Variants in NSD2 observed in about 807,000 individuals in gnomAD.
NSD2 encodes the protein histone-lysine N-methyltransferase NSD2.
A neutral mutation model predicts 139.0 loss-of-function variants in NSD2; 12 were observed. That is an observed-to-expected ratio of 0.09 (90% CI 0.06 to 0.14). The LOEUF (loss-of-function observed/expected upper bound fraction) is 0.14. Among genes scored for constraint, NSD2 ranks in the 10% least tolerant of loss-of-function variants. The pLI is 1.00. For missense variants in NSD2, 1,155 were observed against 1,745.0 expected, an observed-to-expected ratio of 0.66 and a Z score of 6.02; for synonymous variants, 669 against 648.7, an observed-to-expected ratio of 1.03 and a Z score of -0.48.
intron 9 of NSD2, chr4:1,946,183 A>T: frequency 2.0e-6 from 2 of 1,020,474 alleles, no homozygotes; most frequent in Non-Finnish European, 2.4e-6. Flanking sequence ...GTCATTAGAA[A>T]AGGTTTCTTA....
chr4:1,904,435 A>C, intron 3 of NSD2, 57 bp downstream of exon 3: 2 of 1,528,378 alleles, frequency 1.3e-6, no homozygotes, highest in Non-Finnish European at 8.9e-7. Context: ...AATCTTTCTC[A>C]TCTCCAGGCT....
chr4:1,936,250 C>T (rs908549017), intron 7 of NSD2, among the ~76,000 whole-genome samples: 8 of 152,210 alleles, frequency 5.3e-5, no homozygotes, highest in Non-Finnish European at 8.8e-5. Context: ...ATGTAGAAGA[C>T]GTGAGCCCTT....
rs1717054081 is a variant in NSD2 at position 1,900,782 on chromosome 4, A to G, written c.128A>G (p.Glu43Gly). Residue 43 changes from glutamate (E) to glycine (G), a missense_variant, in exon 2 of 22, where the codon GAG (glutamate) becomes GGG (glycine). Glu to Gly is a moderately conservative substitution (Grantham distance 98, BLOSUM62 -2). Coordinates refer to ENST00000508803, the MANE Select transcript of NSD2 (RefSeq NM_001042424.3). ...GKTPSCEVNR[E>G]CSVFLSKAQL... ...ACTCCGAGCTGCGAGGTGAACCGCG[A>G]GTGTTCTGTGTTCCTCAGCAAAGCC... The G allele has an allele frequency of 6.2e-7, 1 of 1,614,108 alleles. No homozygotes were observed. Among genetic ancestry groups the G allele is most frequent in the South Asian group, 1.1e-5 (1 of 91,078 alleles).
chr4:1,882,111 A>G (rs1198966782), intron 1 of NSD2, among the ~76,000 whole-genome samples: 1 of 152,162 alleles, frequency 6.6e-6, no homozygotes, highest in Non-Finnish European at 1.5e-5. Flanking sequence ...GTGCTGGGGA[A>G]GGTTCCGGAA....
chr4:1,943,847 AGG>A (rs1484725289), intron 9 of NSD2: 20 of 1,062,974 alleles, frequency 1.9e-5, no homozygotes, highest in Non-Finnish European at 3.4e-6. Flanking sequence ...GTGAAAATGA[AGG>A]GATTTCATTT....
At chr4:1,883,662 CGCTCT>C (rs1714869868) in intron 1 of NSD2, among the ~76,000 whole-genome samples, 2 of 152,072 alleles carry the variant, frequency 1.3e-5, no homozygotes, top group African/African-American at 4.8e-5. Flanking sequence ...GTACCTCCTC[CGCTCT>C]GCTGATCCCA....
intron 9 of NSD2, chr4:1,943,400 A>G (rs1401008639): frequency 9.6e-7 from 1 of 1,042,116 alleles, no homozygotes; most frequent in Non-Finnish European, 1.2e-6. Context: ...CTGTTGTGAC[A>G]GTAATAATGG....
Position 1,948,523 on chromosome 4 carries a change from G to A in NSD2, c.1882-2549G>A. ...CGAGAGCATTGGATCCTCCCCGACT[G>A]TGGCTAGTTGTCTGTCCGGTGGCTG... On this transcript the variant is annotated intron_variant, in intron 9 of 21. Transcript: ENST00000508803. The surrounding 1 kb of genome is among the most constrained non-coding windows in gnomAD (Gnocchi z 4.5). 9.4e-7 allele frequency: 1 copy of A among 1,064,538 alleles called. No individual in the cohort carries two copies. The highest frequency in any genetic ancestry group is 1.1e-6 in the Non-Finnish European group (1 of 877,962). The allele number at this position is 1,064,538 out of a possible 1,614,324, so 65.9% of individuals were successfully genotyped here.
intron 6 of NSD2, among the ~76,000 whole-genome samples, 189 bp downstream of exon 6, chr4:1,930,959 T>G (rs1721562585): frequency 1.3e-5 from 2 of 152,130 alleles, no homozygotes; most frequent in Non-Finnish European, 2.9e-5. Flanking sequence ...GTTTACTGGC[T>G]TATGAGAGCT....
chr4:1,966,567 G>A (rs1159634807), intron 18 of NSD2, among the ~76,000 whole-genome samples: 1 of 151,332 alleles, frequency 6.6e-6, no homozygotes, highest in African/African-American at 2.4e-5. Flanking sequence ...TGAGGCAGGA[G>A]AATGGCGTGA....
At chr4:1,938,416 C>CTTTTTTTTTT (rs746279426) in intron 7 of NSD2, 35 bp from the exon 8 acceptor site, 5 of 325,846 alleles carry the variant, frequency 1.5e-5, no homozygotes, top group Non-Finnish European at 2.3e-5. Context: ...TTTTTTCTTT[C>CTTTTTTTTTT]TTTTTTTTTT....
intron 9 of NSD2, among the ~76,000 whole-genome samples, chr4:1,949,414 C>G (rs1157285518): frequency 1.3e-5 from 2 of 152,168 alleles, no homozygotes; most frequent in Admixed American, 1.3e-4. Context: ...AGAAGAGTGG[C>G]TCACATCTGT....
At chr4:1,944,137 A>G in intron 9 of NSD2, 1 of 1,066,128 alleles carries the variant, frequency 9.4e-7, no homozygotes, top group Non-Finnish European at 1.1e-6. Context: ...GGCAGGGGCA[A>G]GTGAACTCAG....
chr4:1,874,112 T>G (rs1714076269), intron 1 of NSD2, among the ~76,000 whole-genome samples: 2 of 152,366 alleles, frequency 1.3e-5, no homozygotes, highest in South Asian at 4.1e-4. Context: ...GCCATAAGGC[T>G]TTTTACTCAT....
chr4:1,935,352 G>A, intron 7 of NSD2, 90 bp downstream of exon 7: 3 of 962,124 alleles, frequency 3.1e-6, no homozygotes, highest in Non-Finnish European at 4.8e-6. Flanking sequence ...GCACACATGA[G>A]ATGCAGGTGT....
intron 9 of NSD2, chr4:1,941,510 T>G: frequency 3.8e-6 from 4 of 1,044,508 alleles, no homozygotes; most frequent in Non-Finnish European, 4.6e-6. Flanking sequence ...GTCCTGACCT[T>G]GAGAAGACAT....
intron 1 of NSD2, among the ~76,000 whole-genome samples, chr4:1,897,574 C>T (rs1038164144): frequency 2.5e-4 from 38 of 152,156 alleles, no homozygotes; most frequent in African/African-American, 8.9e-4. Context: ...GAAGCCAGGA[C>T]TTAGAGACTA....
intron 3 of NSD2, 96 bp downstream of exon 3, chr4:1,904,474 C>G: frequency 7.4e-7 from 1 of 1,353,802 alleles, no homozygotes; most frequent in Non-Finnish European, 1.0e-6. Flanking sequence ...AATAGCCCTG[C>G]TATGGTTCAT....
chr4:1,960,551 C>G (rs1725264430), intron 17 of NSD2, among the ~76,000 whole-genome samples: 1 of 152,222 alleles, frequency 6.6e-6, no homozygotes, highest in Non-Finnish European at 1.5e-5. Context: ...CCAGGGCTGA[C>G]CCAGCACAGA....
Sources: allele counts gnomAD v4.1 joint callset (sites outside exome capture counted in the v4.1 genomes callset), GRCh38; gene constraint gnomAD v4.1.1; non-coding constraint Gnocchi (gnomAD v3.1); transcripts MANE v1.5; gene names NCBI Gene and HGNC (gene_info 2026-07-23, HGNC 2026-07-21).